Variants in SPAST observed in about 807,000 individuals in gnomAD.
SPAST encodes the protein spastin, also known as spastic paraplegia 4 (autosomal dominant; spastin).
In SPAST, 30 loss-of-function variants were observed where a neutral mutation model predicts 76.6. The ratio of observed to expected loss-of-function variants is 0.39; its 90% CI spans 0.29 to 0.53. SPAST has a LOEUF of 0.53. Ranked by LOEUF, SPAST falls within the 20% of genes least tolerant of loss-of-function variation. The pLI is 0.68. For synonymous variants in SPAST, 305 were observed against 281.0 expected (o/e 1.09, Z -0.86); for missense variants, 717 against 770.5 (o/e 0.93, Z 0.82).
chr2:32,066,769 T>C (rs1676527935), intron 1 of SPAST, among the ~76,000 whole-genome samples: 1 of 150,796 alleles, frequency 6.6e-6, no homozygotes. Context: ...AGCCCAGGAG[T>C]TTGAGACCAG....
intron 2 of SPAST, among the ~76,000 whole-genome samples, chr2:32,087,888 T>C (rs1357510301): frequency 1.3e-5 from 2 of 149,642 alleles, no homozygotes; most frequent in Admixed American, 6.7e-5. Context: ...TTATTATTAT[T>C]ATTACTAGTT....
intron 7 of SPAST, among the ~76,000 whole-genome samples, chr2:32,117,368 T>G (rs1159060173): frequency 1.3e-5 from 2 of 152,022 alleles, no homozygotes; most frequent in African/African-American, 2.4e-5. Flanking sequence ...AGAATTGGAT[T>G]GCTTGGAAAT....
intron 12 of SPAST, among the ~76,000 whole-genome samples, chr2:32,139,656 C>T (rs1473016128): frequency 7.3e-5 from 11 of 151,522 alleles, no homozygotes; most frequent in South Asian, 4.2e-4. Context: ...GGTGAAACCC[C>T]GTCTCTACTA....
At chr2:32,065,678 C>A (rs1676480989) in intron 1 of SPAST, among the ~76,000 whole-genome samples, 1 of 152,216 alleles carries the variant, frequency 6.6e-6, no homozygotes, top group Non-Finnish European at 1.5e-5. Context: ...TTCTACCACA[C>A]CTCAATTAGA....
intron 16 of SPAST, among the ~76,000 whole-genome samples, chr2:32,153,552 G>T (rs1680157803): frequency 6.6e-6 from 1 of 151,730 alleles, no homozygotes; most frequent in Admixed American, 6.6e-5. Flanking sequence ...CTGACCTCAG[G>T]TGATCCACCC....
Position 32,083,747 on chromosome 2 carries a change from ATAC to A in SPAST, c.416-3742_416-3740del, listed in dbSNP as rs1263428323. On this transcript the variant is annotated intron_variant, in intron 1 of 16. Transcript: ENST00000315285. ...TTATATATACTATATATATTTATAT[ATAC>A]TATATATATATATATATATATATAT... is the stretch of plus-strand genomic sequence containing the variant. Among the ~76,000 whole-genome samples the A allele has an allele frequency of 6.1e-3, 351 of 57,710 alleles. 5 individuals carry two copies. Among genetic ancestry groups the A allele is most frequent in the Non-Finnish European group, 6.7e-3 (210 of 31,278 alleles). The allele number at this position is 57,710 out of a possible 152,430, so 37.9% of individuals were successfully genotyped here.
Position 32,083,767 on chromosome 2 carries a change from TA to T in SPAST, c.416-3724del, listed in dbSNP as rs1558620237. Among the ~76,000 whole-genome samples the T allele has an allele frequency of 7.5e-4, 74 of 98,606 alleles. 1 individual carries two copies. The highest frequency in any genetic ancestry group is 1.2e-3 in the Non-Finnish European group (59 of 51,132). The allele number at this position is 98,606 out of a possible 152,430, so 64.7% of individuals were successfully genotyped here. On this transcript the variant is annotated intron_variant, in intron 1 of 16. Transcript: ENST00000315285. ...TATATATACTATATATATATATATA[TA>T]TATATATATTTTTTTTTTTTTTTGA...
At chr2:32,111,606 C>T (rs1039205431) in intron 4 of SPAST, among the ~76,000 whole-genome samples, 9 of 150,936 alleles carry the variant, frequency 6.0e-5, no homozygotes, top group African/African-American at 2.2e-4. Flanking sequence ...TTTTTCTTCC[C>T]CACAGGTTTT....
At chr2:32,152,346 T>G (rs990242087) in intron 16 of SPAST, among the ~76,000 whole-genome samples, 2 of 152,166 alleles carry the variant, frequency 1.3e-5, no homozygotes, top group African/African-American at 4.8e-5. Context: ...GGCCATTGGA[T>G]CCCTTGAGCT....
Position 32,063,585 on chromosome 2 carries a change from G to A in SPAST, c.-247G>A, listed in dbSNP as rs1676367823. ...CCGCCGCTGGGAGCCACCAGGCGGC[G>A]GAGAGGACAGCGACAGGAAGGGAGG... On this transcript the variant is annotated 5_prime_UTR_variant, in exon 1 of 17. Transcript: ENST00000315285. 1.9e-6 allele frequency: 1 copy of A among 520,152 alleles called. No homozygotes were observed. The highest frequency in any genetic ancestry group is 3.4e-6 in the Non-Finnish European group (1 of 298,226). The allele number at this position is 520,152 out of a possible 1,614,324, so 32.2% of individuals were successfully genotyped here.
chr2:32,139,916 G>A (rs1345560764), intron 12 of SPAST, among the ~76,000 whole-genome samples: 1 of 151,260 alleles, frequency 6.6e-6, no homozygotes, highest in Non-Finnish European at 1.5e-5. Context: ...GAATCTGTAT[G>A]AGGAGAAGTG....
At chr2:32,099,575 A>G (rs374921812) in intron 4 of SPAST, among the ~76,000 whole-genome samples, 8 of 152,254 alleles carry the variant, frequency 5.3e-5, no homozygotes, top group African/African-American at 1.9e-4. Flanking sequence ...CATGGGGTAC[A>G]CAGTGATGTT....
chr2:32,065,774 T>C (rs1676484639), intron 1 of SPAST, among the ~76,000 whole-genome samples: 2 of 152,144 alleles, frequency 1.3e-5, no homozygotes, highest in African/African-American at 4.8e-5. Context: ...CTCCAAAAAC[T>C]GTTCTAGAAT....
intron 12 of SPAST, among the ~76,000 whole-genome samples, chr2:32,140,553 G>C (rs1440313923): frequency 2.0e-5 from 3 of 151,874 alleles, no homozygotes; most frequent in Admixed American, 2.0e-4. Context: ...GGAGGCAGAG[G>C]TTGCAGTGAG....
intron 8 of SPAST, chr2:32,128,181 G>C (rs1335278041): frequency 2.2e-6 from 1 of 461,802 alleles, no homozygotes; most frequent in African/African-American, 2.0e-5. Flanking sequence ...TTTTATTAGA[G>C]ATGGGATTTC....
intron 12 of SPAST, among the ~76,000 whole-genome samples, chr2:32,139,808 G>A (rs1193974382): frequency 6.7e-6 from 1 of 149,390 alleles, no homozygotes; most frequent in Non-Finnish European, 1.5e-5. Flanking sequence ...CAGCCTGGGT[G>A]TGAAAGAGCA....
At chr2:32,113,758 G>A (rs1678712208) in intron 4 of SPAST, among the ~76,000 whole-genome samples, 2 of 151,038 alleles carry the variant, frequency 1.3e-5, no homozygotes, top group East Asian at 2.0e-4. Flanking sequence ...GCAGAGACGA[G>A]GTTTCACCAT....
Position 32,147,224 on chromosome 2 carries a change from A to C in SPAST, c.1694A>C (p.Lys565Thr). 2 of 1,609,516 alleles carry C rather than the reference A, an allele frequency of 1.2e-6. No homozygotes were observed. Among genetic ancestry groups the C allele is most frequent in the Non-Finnish European group, 1.7e-6 (2 of 1,176,002 alleles). Residue 565 changes from lysine (K) to threonine (T), a missense_variant, in exon 16 of 17, where the codon AAA becomes ACA. Physicochemically the swap from Lys to Thr is moderately conservative, Grantham distance 78 (BLOSUM62 -1). This residue lies in a region of SPAST where 96 missense variants were observed against 127.6 expected (regional missense o/e 0.75). Transcript: ENST00000315285. Reference protein sequence around the residue: ...DAALGPIRELKPEQVKNMSAS... With the variant: ...DAALGPIRELTPEQVKNMSAS... ...TGACTTTTATGTTTTACAGAACTAA[A>C]ACCAGAACAGGTGAAGAATATGTCT...
chr2:32,143,384 T>G lies in SPAST; in HGVS notation c.1585T>G (p.Leu529Val). 1 of 1,609,980 alleles carries G rather than the reference T, an allele frequency of 6.2e-7. No individual in the cohort carries two copies. Among genetic ancestry groups the G allele is most frequent in the Non-Finnish European group, 8.5e-7 (1 of 1,176,768 alleles). ...TCTGTTATGTAAACAAGGAAGTCCATTGACCCAAAAAGAACTAGCACAACT... is the reference window on the plus strand; with the variant it reads ...TCTGTTATGTAAACAAGGAAGTCCAGTGACCCAAAAAGAACTAGCACAACT... ...KNLLCKQGSP[L>V]TQKELAQLAR... Residue 529 changes from leucine (L) to valine (V), a missense_variant, in exon 14 of 17, where the codon TTG (leucine) becomes GTG (valine). This residue lies in a region of SPAST where 96 missense variants were observed against 127.6 expected (regional missense o/e 0.75). Coordinates refer to ENST00000315285, the MANE Select transcript of SPAST (RefSeq NM_014946.4).
Sources: gnomAD v4.1 joint callset for allele counts (sites outside exome capture counted in the v4.1 genomes callset) on GRCh38, gnomAD v4.1.1 for gene constraint, gnomAD v4.1.1 regional missense constraint, MANE v1.5 for transcripts, NCBI Gene and HGNC (gene_info 2026-07-23, HGNC 2026-07-21) for gene names.